The following OLFML2B variants were observed in gnomAD, a reference collection of about 807,000 sequenced individuals.
OLFML2B encodes the protein olfactomedin-like protein 2B.
A neutral mutation model predicts 74.9 loss-of-function variants in OLFML2B; 57 were observed. That is an observed-to-expected ratio of 0.76 (90% CI 0.61 to 0.95). The LOEUF is 0.95. Among genes scored for constraint, OLFML2B ranks in the 40% least tolerant of loss-of-function variants. OLFML2B has a pLI of 0.00. For missense variants in OLFML2B, 986 were observed against 970.6 expected (o/e 1.02, Z -0.21); for synonymous variants, 388 against 405.8 (o/e 0.96, Z 0.53).
At chr1:162,004,186 T>C (rs2490424) in intron 4 of OLFML2B, among the ~76,000 whole-genome samples, 23,757 of 152,034 alleles carry the variant, frequency 0.16, 2,833 homozygotes, top group African/African-American at 0.33. Flanking sequence ...GAGCCACCGA[T>C]GCCAGGTGGG....
At chr1:161,988,556 ACACC>A (rs1314967808) in intron 6 of OLFML2B, among the ~76,000 whole-genome samples, 4 of 75,640 alleles carry the variant, frequency 5.3e-5, no homozygotes, top group Non-Finnish European at 1.1e-4. Flanking sequence ...ACCCCCGCTG[ACACC>A]CACCCACCCA....
chr1:162,000,941 T>A (rs1690066117), intron 4 of OLFML2B, among the ~76,000 whole-genome samples: 1 of 152,156 alleles, frequency 6.6e-6, no homozygotes, highest in Non-Finnish European at 1.5e-5. Flanking sequence ...GTAAAACTGA[T>A]CTTGATCTAG....
At chr1:162,014,492 C>A (rs574215857) in intron 3 of OLFML2B, among the ~76,000 whole-genome samples, 2 of 152,324 alleles carry the variant, frequency 1.3e-5, no homozygotes, top group South Asian at 2.1e-4. Context: ...CCTCTCCAAT[C>A]TGACCCCTTT....
chr1:162,006,150 C>T, intron 4 of OLFML2B, 147 bp downstream of exon 4: 1 of 666,164 alleles, frequency 1.5e-6, no homozygotes, highest in African/African-American at 1.8e-5. Flanking sequence ...CTCATCAAAT[C>T]TACAGAACCT....
intron 2 of OLFML2B, among the ~76,000 whole-genome samples, chr1:162,017,927 A>G (rs1285713474): frequency 6.6e-6 from 1 of 152,232 alleles, no homozygotes; most frequent in Non-Finnish European, 1.5e-5. Flanking sequence ...TGCAGTATGT[A>G]TATACCATGG....
intron 1 of OLFML2B, among the ~76,000 whole-genome samples, chr1:162,021,214 T>A (rs1386080792): frequency 6.6e-6 from 1 of 152,212 alleles, no homozygotes; most frequent in African/African-American, 2.4e-5. Context: ...GGTCCAGAAG[T>A]TAGTAAGGTT....
chr1:161,984,397 G>A lies in OLFML2B; in HGVS notation c.1652-121C>T, dbSNP rs1441462538. 5.3e-6 allele frequency: 7 copies of A among 1,330,678 alleles called. No homozygotes were observed. The East Asian group carries it at 9.7e-5, about 18-fold the overall frequency. The allele number at this position is 1,330,678 out of a possible 1,614,324, so 82.4% of individuals were successfully genotyped here. On this transcript the variant is annotated intron_variant, in intron 7 of 7. Transcript: ENST00000294794. ...AAACCCAGGTTTGTGTCTTGGCTCTGCCACTTTCTAGCATCCTGTAGCACA... is the reference window on the plus strand; with the variant it reads ...AAACCCAGGTTTGTGTCTTGGCTCTACCACTTTCTAGCATCCTGTAGCACA...
chr1:161,988,621 G>C (rs1180668276), intron 6 of OLFML2B, among the ~76,000 whole-genome samples: 1 of 130,458 alleles, frequency 7.7e-6, no homozygotes, highest in Non-Finnish European at 1.6e-5. Flanking sequence ...ACTCTCTCCT[G>C]GTCCCGCCCA....
chr1:161,989,472 T>C (rs563952835), intron 6 of OLFML2B, among the ~76,000 whole-genome samples: 2 of 152,280 alleles, frequency 1.3e-5, no homozygotes, highest in East Asian at 3.9e-4. Context: ...AATTTGGCCC[T>C]CAGGCTGCCA....
chr1:161,999,507 G>A (rs1438153102), intron 5 of OLFML2B, among the ~76,000 whole-genome samples: 1 of 152,168 alleles, frequency 6.6e-6, no homozygotes, highest in Non-Finnish European at 1.5e-5. Context: ...GATGGGGAAG[G>A]ACTCGCTCAG....
intron 6 of OLFML2B, 119 bp from the exon 7 acceptor site, chr1:161,985,099 T>A (rs999309922): frequency 6.0e-6 from 6 of 999,828 alleles, no homozygotes; most frequent in Non-Finnish European, 8.7e-6. Flanking sequence ...CAGCCCTGTA[T>A]AACCTGACCC....
intron 4 of OLFML2B, 46 bp downstream of exon 4, chr1:162,006,251 A>C: frequency 6.7e-7 from 1 of 1,494,824 alleles, no homozygotes. Context: ...CTGATATCAC[A>C]CTTCCAGGGC....
Position 161,984,256 on chromosome 1 carries a change from T to C in OLFML2B, c.1672A>G (p.Lys558Glu). ...GTGCCGATCCAGCTGTACGGGAGCT[T>C]GTAGGAATTGCTCCAGCGACCTGCA... ...FKQGRWSNSYKLPYSWIGTGH... is the reference protein window; with the variant it reads ...FKQGRWSNSYELPYSWIGTGH... The change falls in exon 8 of 8, where the codon AAG becomes GAG. Residue 558 changes from lysine to glutamate, a missense_variant. Coordinates refer to ENST00000294794, the MANE Select transcript of OLFML2B (RefSeq NM_015441.3). The C allele has an allele frequency of 6.6e-7, 1 of 1,520,710 alleles. No homozygotes were observed. Among genetic ancestry groups the C allele is most frequent in the Non-Finnish European group, 8.8e-7 (1 of 1,135,356 alleles). 94.2% of individuals were successfully genotyped at this position (1,520,710 alleles called of 1,614,324 possible).
chr1:162,014,707 A>G (rs1378128373), intron 3 of OLFML2B, among the ~76,000 whole-genome samples: 13 of 152,180 alleles, frequency 8.5e-5, no homozygotes, highest in Non-Finnish European at 1.9e-4. Context: ...AAACAAATAC[A>G]GTGCTCCACT....
At position 161,996,937 on chromosome 1, in the gene OLFML2B, C is replaced by T. The variant is rs184172399; in HGVS notation, c.1474+888G>A. Among the ~76,000 whole-genome samples, 163 of 152,306 alleles carry T rather than the reference C, an allele frequency of 1.1e-3. 2 individuals are homozygous for T. In the South Asian group the frequency reaches 0.016, roughly 15 times the overall value. ...CTTTGGGAGGCCGAGGTGGGGGGAT[C>T]ACAAGGTCAGGAGATTGAGACCATC... On this transcript the variant is annotated intron_variant, in intron 6 of 7. Transcript: ENST00000294794.
chr1:161,997,919 G>T lies in OLFML2B; in HGVS notation c.1380C>A (p.Asp460Glu). The T allele has an allele frequency of 6.2e-7, 1 of 1,614,240 alleles. No individual in the cohort carries two copies. Among genetic ancestry groups the T allele is most frequent in the Non-Finnish European group, 8.5e-7 (1 of 1,180,048 alleles). The change falls in exon 6 of 8, where the codon GAC becomes GAA. Residue 460 changes from aspartate to glutamate, a missense_variant. Coordinates refer to ENST00000294794, the MANE Select transcript of OLFML2B (RefSeq NM_015441.3). The stretch of plus-strand genomic sequence containing the variant: ...CAGCAGGAGCATCTTTCCCCAGCGA[G>T]TCTGTTCTGACTGTGGTGGGAGGCA... ...VPVPPTTVRT[D>E]SLGKDAPAGW...
intron 5 of OLFML2B, among the ~76,000 whole-genome samples, chr1:161,998,897 G>A (rs1393624131): frequency 6.6e-6 from 1 of 152,230 alleles, no homozygotes; most frequent in Non-Finnish European, 1.5e-5. Flanking sequence ...CTGGGGAGAT[G>A]AGCAGCTGCC....
intron 3 of OLFML2B, among the ~76,000 whole-genome samples, chr1:162,011,628 A>G (rs890532068): frequency 6.6e-6 from 1 of 152,222 alleles, no homozygotes; most frequent in African/African-American, 2.4e-5. Flanking sequence ...CCCATTGAAC[A>G]TTCATCCAAC....
chr1:162,017,011 C>T (rs1042965870), intron 3 of OLFML2B, among the ~76,000 whole-genome samples: 24 of 152,150 alleles, frequency 1.6e-4, no homozygotes, highest in African/African-American at 5.8e-4. Context: ...TGCACCAGAA[C>T]AGTTAAGAGA....
Sources: allele counts gnomAD v4.1 joint callset (sites outside exome capture counted in the v4.1 genomes callset), GRCh38; gene constraint gnomAD v4.1.1; transcripts MANE v1.5; gene names NCBI Gene and HGNC (gene_info 2026-07-23, HGNC 2026-07-21).